Variants in ATRX observed in about 807,000 individuals in gnomAD.
ATRX encodes the protein chromatin remodeler ATRX.
ATRX carries 12 observed loss-of-function variants against 172.6 expected under a neutral mutation model. The observed-to-expected ratio is 0.07, with a 90% CI of 0.04 to 0.11. The LOEUF (loss-of-function observed/expected upper bound fraction) is 0.11, where lower values mean the gene tolerates loss of function less well. Ranked by LOEUF, ATRX falls within the 10% of genes least tolerant of loss-of-function variation. ATRX has a pLI of 1.00. For missense variants in ATRX, 1,368 were observed against 1,767.4 expected (o/e 0.77, Z 4.05); for synonymous variants, 674 against 594.7 (o/e 1.13, Z -1.94).
At chrX:77,653,389 T>C (rs782488047) in intron 14 of ATRX, among the ~76,000 whole-genome samples, 75 of 112,390 alleles carry the variant, frequency 6.7e-4, no homozygotes, top group Admixed American at 1.1e-3. Flanking sequence ...AATTCTGATA[T>C]ATGCTAAAAC....
At chrX:77,721,526 CAAT>C (rs1557169049) in intron 1 of ATRX, among the ~76,000 whole-genome samples, 1 of 111,565 alleles carries the variant, frequency 9.0e-6, no homozygotes, top group Non-Finnish European at 1.9e-5. Flanking sequence ...TCTTATACAA[CAAT>C]AACAGATAGA....
Position 77,664,589 on chromosome X carries a change from T to C in ATRX, c.3943+56A>G, listed in dbSNP as rs2070131111. The C allele has an allele frequency of 7.6e-6, 9 of 1,189,497 alleles. No homozygotes were observed. In the East Asian group the frequency reaches 2.4e-4, roughly 32 times the overall value. On this transcript the variant is annotated intron_variant, in intron 11 of 34. Transcript: ENST00000373344. ...TCTTGGTCAGATATTCTTCAAAGACTGAATTAGTCAAGGAATCAAATTATG... is the reference window on the plus strand; with the variant it reads ...TCTTGGTCAGATATTCTTCAAAGACCGAATTAGTCAAGGAATCAAATTATG...
rs781849536 is a variant in ATRX, at chrX:77,575,829, C to T, written c.6218-1471G>A. The T allele has an allele frequency of 2.7e-5, 3 of 111,788 alleles. No individual in the cohort carries two copies. In the East Asian group the frequency reaches 8.4e-4, roughly 31 times the overall value. The allele number at this position is 111,788 out of a possible 1,213,427, so 9.2% of individuals were successfully genotyped here. On this transcript the variant is annotated intron_variant, in intron 27 of 34. Coordinates refer to ENST00000373344, the MANE Select transcript of ATRX (RefSeq NM_000489.6). ...ATTCAATGAGATAATATTTTAAAAACTACTTAGAATGGTGCCTGTCACATG... is the reference window on the plus strand; with the variant it reads ...ATTCAATGAGATAATATTTTAAAAATTACTTAGAATGGTGCCTGTCACATG...
chrX:77,682,315 C>A lies in ATRX; in HGVS notation c.2941G>T (p.Asp981Tyr), dbSNP rs2071258283. Residue 981 changes from aspartate to tyrosine, a missense_variant, in exon 9 of 35, where the codon GAT becomes TAT. By Grantham distance (160) the Asp-to-Tyr change is radical. Coordinates refer to ENST00000373344, the MANE Select transcript of ATRX (RefSeq NM_000489.6). ...KDQSDETSED[D>Y]KKQSKKGTEE... ...GTTCCCTTTTTGCTCTGCTTTTTAT[C>A]ATCTTCAGAAGTTTCATCGCTCTGG... The A allele has an allele frequency of 8.3e-7, 1 of 1,201,356 alleles. No homozygotes were observed. The highest frequency in any genetic ancestry group is 1.8e-5 in the South Asian group (1 of 54,211).
chrX:77,779,091 ATTTTTTTTTTTT>A (rs1169146207), intron 1 of ATRX, among the ~76,000 whole-genome samples: 2 of 62,779 alleles, frequency 3.2e-5, no homozygotes, highest in African/African-American at 1.3e-4. Flanking sequence ...CCATGCCCGG[ATTTTTTTTTTTT>A]TTTTTTTTTT....
chrX:77,596,133 G>A (rs781872248), intron 25 of ATRX: 2 of 111,639 alleles, frequency 1.8e-5, no homozygotes, highest in Admixed American at 9.6e-5. Flanking sequence ...ACTCTTTGAC[G>A]TGAAAATAAA....
chrX:77,522,814 C>T (rs2063274397), intron 31 of ATRX, among the ~76,000 whole-genome samples: 1 of 111,827 alleles, frequency 8.9e-6, no homozygotes, highest in Non-Finnish European at 1.9e-5. Context: ...GAGCAAATGG[C>T]ATTAATGTCT....
chrX:77,537,585 A>G (rs1332289936), intron 30 of ATRX, among the ~76,000 whole-genome samples: 1 of 111,248 alleles, frequency 9.0e-6, no homozygotes, highest in Non-Finnish European at 1.9e-5. Flanking sequence ...CTGTAGATTC[A>G]GCAACTTGGG....
chrX:77,556,132 C>T (rs1050142114), intron 30 of ATRX, among the ~76,000 whole-genome samples: 1 of 101,253 alleles, frequency 9.9e-6, no homozygotes, highest in African/African-American at 3.6e-5. Context: ...GCTGAGATTG[C>T]GCCACTGCAC....
intron 10 of ATRX, among the ~76,000 whole-genome samples, 155 bp from the exon 11 acceptor site, chrX:77,664,933 C>T (rs2070152911): frequency 8.9e-6 from 1 of 112,268 alleles, no homozygotes; most frequent in African/African-American, 3.2e-5. Context: ...CATGTTTTAA[C>T]CTAAGCTATA....
At chrX:77,760,554 G>A (rs942126408) in intron 1 of ATRX, among the ~76,000 whole-genome samples, 14 of 107,870 alleles carry the variant, frequency 1.3e-4, no homozygotes, top group African/African-American at 4.0e-4. Context: ...ACACCAGCAT[G>A]GCACATGTAT....
At chrX:77,680,611 A>T (rs1334572803) in intron 9 of ATRX, among the ~76,000 whole-genome samples, 1 of 111,572 alleles carries the variant, frequency 9.0e-6, no homozygotes, top group Admixed American at 9.6e-5. Context: ...ATAAATTGAA[A>T]ACTGTAACAT....
chrX:77,745,570 A>G (rs1177625158), intron 1 of ATRX, among the ~76,000 whole-genome samples: 1 of 111,555 alleles, frequency 9.0e-6, no homozygotes, highest in Non-Finnish European at 1.9e-5. Context: ...AGAGAGTAGA[A>G]TGATGGTTAC....
At chrX:77,527,122 G>A (rs1010614443) in intron 30 of ATRX, among the ~76,000 whole-genome samples, 15 of 111,900 alleles carry the variant, frequency 1.3e-4, no homozygotes, top group Non-Finnish European at 2.8e-4. Context: ...ACAAAACCAG[G>A]AAATAACTAC....
At chrX:77,688,702 G>T in intron 7 of ATRX, 116 bp downstream of exon 7, 1 of 588,002 alleles carries the variant, frequency 1.7e-6, no homozygotes. Context: ...TATAGTAGAA[G>T]TCTTCCAAGG....
intron 34 of ATRX, among the ~76,000 whole-genome samples, chrX:77,513,053 C>G (rs2062925386): frequency 9.1e-6 from 1 of 110,269 alleles, no homozygotes; most frequent in Non-Finnish European, 1.9e-5. Flanking sequence ...CACAGTGGCT[C>G]ACGCCTGTAA....
intron 14 of ATRX, 134 bp from the exon 15 acceptor site, chrX:77,652,487 A>T: frequency 2.0e-6 from 1 of 510,154 alleles, no homozygotes; most frequent in Non-Finnish European, 2.9e-6. Flanking sequence ...ATTCAGCAAT[A>T]GAGTAGTATT....
chrX:77,723,542 G>C (rs558833242), intron 1 of ATRX, among the ~76,000 whole-genome samples: 1 of 111,358 alleles, frequency 9.0e-6, no homozygotes, highest in South Asian at 3.8e-4. Flanking sequence ...TTTGCCTCTA[G>C]AATAAAGGTA....
chrX:77,785,846 T>A, intron 1 of ATRX, 136 bp downstream of exon 1: 1 of 785,282 alleles, frequency 1.3e-6, no homozygotes, highest in Non-Finnish European at 1.5e-6. Context: ...CCTTCTCACC[T>A]AAAGAGAAAA....
Sources: allele counts gnomAD v4.1 joint callset (sites outside exome capture counted in the v4.1 genomes callset), GRCh38; gene constraint gnomAD v4.1.1; transcripts MANE v1.5; gene names NCBI Gene and HGNC (gene_info 2026-07-23, HGNC 2026-07-21).